The following PEBP1 variants were observed in gnomAD, a reference collection of about 807,000 sequenced individuals.
The protein encoded by PEBP1 is phosphatidylethanolamine-binding protein 1.
Under a neutral mutation model 22.7 loss-of-function variants are expected in PEBP1, and 17 were observed. The ratio of observed to expected loss-of-function variants is 0.75; its 90% confidence interval spans 0.51 to 1.12. PEBP1 has a LOEUF of 1.12. Among genes scored for constraint, PEBP1 ranks in the 50% most tolerant of loss-of-function variants. The pLI is 0.00. For missense variants in PEBP1, 205 were observed against 243.5 expected (o/e 0.84, Z 1.05); for synonymous variants, 106 against 104.3 (o/e 1.02, Z -0.10).
chr12:118,143,139 A>C (rs2034128175), intron 3 of PEBP1, among the ~76,000 whole-genome samples: 2 of 152,150 alleles, frequency 1.3e-5, no homozygotes, highest in African/African-American at 4.8e-5. Flanking sequence ...AATGTGAGCT[A>C]CCATGCCCGA....
chr12:118,136,280 C>T lies in PEBP1; in HGVS notation c.71C>T (p.Pro24Leu). Residue 24 changes from proline (P) to leucine (L), a missense_variant, in exon 1 of 4, where the codon CCG becomes CTG. Coordinates refer to ENST00000261313, the MANE Select transcript of PEBP1 (RefSeq NM_002567.4). This position sits in a 1 kb window ranked among gnomAD's most constrained non-coding sequence, Gnocchi z 5.6. ...GAAGTGGACGAGCAGCCGCAGCACC[C>T]GCTGCATGTCACCTACGCCGGGGCG... ...LQEVDEQPQHPLHVTYAGAAV... is the reference protein window; with the variant it reads ...LQEVDEQPQHLLHVTYAGAAV... 6.5e-7 allele frequency: 1 copy of T among 1,547,090 alleles called. No homozygotes were observed. Among genetic ancestry groups the T allele is most frequent in the Non-Finnish European group, 8.7e-7 (1 of 1,146,578 alleles).
Position 118,136,899 on chromosome 12 carries a change from CCTCCCA to C in PEBP1, c.135+557_135+562del, listed in dbSNP as rs1294103404. ...GCAACGGTTTAGTTTTGGTCTTTGA[CCTCCCA>C]CGCCCACGGCTGGGGCTGCCGAAAG... On this transcript the variant is annotated intron_variant, in intron 1 of 3. Transcript: ENST00000261313. This position sits in a 1 kb window ranked among gnomAD's most constrained non-coding sequence, Gnocchi z 5.6. Among the ~76,000 whole-genome samples the C allele has an allele frequency of 6.6e-6, 1 of 152,214 alleles. No individual in the cohort carries two copies. Among genetic ancestry groups the C allele is most frequent in the Non-Finnish European group, 1.5e-5 (1 of 68,036 alleles).
At position 118,136,314 on chromosome 12, in the gene PEBP1, C is replaced by T. The variant is rs1399935253; in HGVS notation, c.105C>T (p.Asp35=). The change falls in exon 1 of 4, where the codon GAC becomes GAT. Residue 35 remains aspartate, a synonymous_variant. Transcript: ENST00000261313. This position sits in a 1 kb window ranked among gnomAD's most constrained non-coding sequence, Gnocchi z 5.6. ...TCACCTACGCCGGGGCGGCGGTGGACGAGCTGGGCAAAGTGCTGACGCCCA... is the reference window on the plus strand; with the variant it reads ...TCACCTACGCCGGGGCGGCGGTGGATGAGCTGGGCAAAGTGCTGACGCCCA... ...LHVTYAGAAV[D]ELGKVLTPTQ... is the part of the protein sequence containing the mutation. The T allele has an allele frequency of 5.2e-6, 8 of 1,544,896 alleles. No homozygotes were observed. The South Asian group carries it at 6.0e-5, about 12-fold the overall frequency.
Position 118,140,922 on chromosome 12 carries a change from C to G in PEBP1, c.346+1371C>G, listed in dbSNP as rs77431630. 8.6e-3 allele frequency among the ~76,000 whole-genome samples: 1,303 copies of G among 152,250 alleles called. 12 individuals carry two copies. The highest frequency in any genetic ancestry group is 0.029 in the African/African-American group (1,200 of 41,540). ...TATTCTTGTAATATGGTATAATTTA[C>G]ATGGTAACAAAATCCACAGATCGGA... On this transcript the variant is annotated intron_variant, in intron 3 of 3. Coordinates refer to ENST00000261313, the MANE Select transcript of PEBP1 (RefSeq NM_002567.4).
chr12:118,144,785 G>A lies in PEBP1; in HGVS notation c.546G>A (p.Glu182=). ...EWDDYVPKLY[E]QLSGK is the part of the protein sequence containing the mutation. ...ATGACTATGTGCCCAAACTGTACGAGCAGCTGTCTGGGAAGTAGGGGGTTA... is the reference window on the plus strand; with the variant it reads ...ATGACTATGTGCCCAAACTGTACGAACAGCTGTCTGGGAAGTAGGGGGTTA... The change falls in exon 4 of 4, where the codon GAG becomes GAA. Residue 182 remains glutamate, a synonymous_variant. Transcript: ENST00000261313. 1 of 1,614,110 alleles carries A rather than the reference G, an allele frequency of 6.2e-7. No individual in the cohort carries two copies. Among genetic ancestry groups the A allele is most frequent in the South Asian group, 1.1e-5 (1 of 91,086 alleles).
At position 118,139,540 on chromosome 12, in the gene PEBP1, C is replaced by CCAAGGG; in HGVS notation, c.338_343dup (p.Lys113_Gly114dup). 2 of 1,611,082 alleles carry CCAAGGG rather than the reference C, an allele frequency of 1.2e-6. No individual in the cohort carries two copies. Among genetic ancestry groups the CCAAGGG allele is most frequent in the South Asian group, 2.2e-5 (2 of 90,868 alleles). ...TCCGATTATGTGGGCTCGGGGCCTC[C>CCAAGGG]CAAGGGCACAGGTTAGTAAAGGTTG... On this transcript the variant is annotated inframe_insertion, in exon 3 of 4. Coordinates refer to ENST00000261313, the MANE Select transcript of PEBP1 (RefSeq NM_002567.4).
rs772553820 is a variant in PEBP1, at chr12:118,144,899, C to T, written c.*96C>T. 2.5e-6 allele frequency: 4 copies of T among 1,586,430 alleles called. No homozygotes were observed. Among genetic ancestry groups the T allele is most frequent in the Non-Finnish European group, 2.6e-6 (3 of 1,172,346 alleles). ...TAATAGATTTCTCCTCTTCCTGCCC[C>T]CCTTGGCATGGGTGAGACCTGACCA... On this transcript the variant is annotated 3_prime_UTR_variant, in exon 4 of 4. Coordinates refer to ENST00000261313, the MANE Select transcript of PEBP1 (RefSeq NM_002567.4).
rs1015054493 is a variant in PEBP1 at position 118,136,649 on chromosome 12, C to G, written c.135+305C>G. On this transcript the variant is annotated intron_variant, in intron 1 of 3. Coordinates refer to ENST00000261313, the MANE Select transcript of PEBP1 (RefSeq NM_002567.4). The surrounding 1 kb of genome is among the most constrained non-coding windows in gnomAD (Gnocchi z 5.6). Reference sequence around the variant, plus strand: ...GAAACAGGCCGGATCCCCCTCTCCCCCCACAGGCCAGGGCGCTGGAGAGGG... The same window carrying G: ...GAAACAGGCCGGATCCCCCTCTCCCGCCACAGGCCAGGGCGCTGGAGAGGG... Among the ~76,000 whole-genome samples, 1 of 152,340 alleles carries G rather than the reference C, an allele frequency of 6.6e-6. No homozygotes were observed. The highest frequency in any genetic ancestry group is 6.5e-5 in the Admixed American group (1 of 15,308).
In PEBP1 at chr12:118,144,899, C is replaced by G. The variant is rs772553820; in HGVS notation, c.*96C>G. The stretch of plus-strand genomic sequence containing the variant: ...TAATAGATTTCTCCTCTTCCTGCCC[C>G]CCTTGGCATGGGTGAGACCTGACCA... On this transcript the variant is annotated 3_prime_UTR_variant, in exon 4 of 4. Transcript: ENST00000261313. 3.7e-5 allele frequency: 59 copies of G among 1,586,312 alleles called. No homozygotes were observed. In the African/African-American group the frequency reaches 5.8e-4, roughly 15 times the overall value.
rs879336537 is a variant in PEBP1, at chr12:118,136,729, T to C, written c.135+385T>C. 9.2e-5 allele frequency among the ~76,000 whole-genome samples: 14 copies of C among 152,212 alleles called. No homozygotes were observed. The highest frequency in any genetic ancestry group is 2.0e-4 in the Admixed American group (3 of 15,278). Reference sequence around the variant, plus strand: ...GCCCGGACGCCCCCAGAGCTTCCCCTAGGGCCTCAGCATTTTAGGCCTGGT... The same window carrying C: ...GCCCGGACGCCCCCAGAGCTTCCCCCAGGGCCTCAGCATTTTAGGCCTGGT... On this transcript the variant is annotated intron_variant, in intron 1 of 3. Transcript: ENST00000261313. The surrounding 1 kb of genome is among the most constrained non-coding windows in gnomAD (Gnocchi z 5.6).
At position 118,145,466 on chromosome 12, in the gene PEBP1, CTG is replaced by C; in HGVS notation, c.*667_*668del. The C allele has an allele frequency of 6.3e-6, 1 of 157,800 alleles. No homozygotes were observed. Among genetic ancestry groups the C allele is most frequent in the Non-Finnish European group, 1.4e-5 (1 of 71,526 alleles). 9.8% of individuals were successfully genotyped at this position (157,800 alleles called of 1,614,324 possible). A position where few individuals can be genotyped will look rare whatever the true frequency, so the allele number is the denominator to read the frequency against. On this transcript the variant is annotated 3_prime_UTR_variant, in exon 4 of 4. Coordinates refer to ENST00000261313, the MANE Select transcript of PEBP1 (RefSeq NM_002567.4). The stretch of plus-strand genomic sequence containing the variant: ...GACAGCTTGGGAGGAAACCTGAGAT[CTG>C]TGTTTTTTAAATTGATCGTTCTTCA...
At chr12:118,142,203 T>C (rs2138087177) in intron 3 of PEBP1, among the ~76,000 whole-genome samples, 1 of 150,456 alleles carries the variant, frequency 6.6e-6, no homozygotes, top group East Asian at 1.9e-4. Context: ...TAAATTTTTT[T>C]TTTTCTTGAG....
chr12:118,144,409 T>C (rs574972778), intron 3 of PEBP1, among the ~76,000 whole-genome samples, 177 bp from the exon 4 acceptor site: 149 of 152,286 alleles, frequency 9.8e-4, no homozygotes, highest in Non-Finnish European at 2.5e-4. Flanking sequence ...TTGCCATTAA[T>C]GTGTTAATTG....
chr12:118,136,323 C>T lies in PEBP1; in HGVS notation c.114C>T (p.Gly38=). The change falls in exon 1 of 4, where the codon GGC becomes GGT. Residue 38 remains glycine (G), a synonymous_variant. Transcript: ENST00000261313. The surrounding 1 kb of genome is among the most constrained non-coding windows in gnomAD (Gnocchi z 5.6). ...CCGGGGCGGCGGTGGACGAGCTGGG[C>T]AAAGTGCTGACGCCCACCCAGGTAC... ...TYAGAAVDEL[G]KVLTPTQVKN... 6.5e-7 allele frequency: 1 copy of T among 1,544,054 alleles called. No individual in the cohort carries two copies.
chr12:118,142,174 C>CT lies in PEBP1; in HGVS notation c.347-2393dup, dbSNP rs897008585. On this transcript the variant is annotated intron_variant, in intron 3 of 3. Coordinates refer to ENST00000261313, the MANE Select transcript of PEBP1 (RefSeq NM_002567.4). ...CAAAGTGGAGTGGCTGCCATGCATT[C>CT]TTTTTTTTTTTTTTTTTTTAAATTT... is the stretch of plus-strand genomic sequence containing the variant. 9.1e-3 allele frequency among the ~76,000 whole-genome samples: 1,145 copies of CT among 125,378 alleles called. 5 individuals carry two copies. Among genetic ancestry groups the CT allele is most frequent in the East Asian group, 0.015 (64 of 4,172 alleles). 82.3% of individuals were successfully genotyped at this position (125,378 alleles called of 152,430 possible). A position where few individuals can be genotyped will look rare whatever the true frequency, so the allele number is the denominator to read the frequency against.
chr12:118,142,155 G>A (rs1399144125), intron 3 of PEBP1, among the ~76,000 whole-genome samples: 1 of 151,162 alleles, frequency 6.6e-6, no homozygotes, highest in African/African-American at 2.4e-5. Flanking sequence ...GAAACAAAGT[G>A]GAGTGGCTGC....
Position 118,145,037 on chromosome 12 carries a change from G to A in PEBP1, c.*234G>A. The A allele has an allele frequency of 2.1e-6, 3 of 1,461,966 alleles. No individual in the cohort carries two copies. Among genetic ancestry groups the A allele is most frequent in the Admixed American group, 4.1e-5 (2 of 49,084 alleles). The allele number at this position is 1,461,966 out of a possible 1,614,324, so 90.6% of individuals were successfully genotyped here. A position where few individuals can be genotyped will look rare whatever the true frequency, so the allele number is the denominator to read the frequency against. ...GAACTTCATTTTGGGGGGTATTTTG[G>A]TACTGTGATGGGGTCATCAAATTAT... On this transcript the variant is annotated 3_prime_UTR_variant, in exon 4 of 4. Coordinates refer to ENST00000261313, the MANE Select transcript of PEBP1 (RefSeq NM_002567.4).
At position 118,145,342 on chromosome 12, in the gene PEBP1, ACT is replaced by A. The variant is rs2034147991; in HGVS notation, c.*542_*543del. The A allele has an allele frequency of 4.4e-6, 1 of 229,088 alleles. No individual in the cohort carries two copies. The highest frequency in any genetic ancestry group is 5.4e-5 in the South Asian group (1 of 18,438). 14.2% of individuals were successfully genotyped at this position (229,088 alleles called of 1,614,324 possible). Reference sequence around the variant, plus strand: ...ATGCCTCAGTAGGCATCAGTATGTCACTCTGGTCCCTTTAAAGAGCAATCCTG... The same window carrying A: ...ATGCCTCAGTAGGCATCAGTATGTCACTGGTCCCTTTAAAGAGCAATCCTG... On this transcript the variant is annotated 3_prime_UTR_variant, in exon 4 of 4. Transcript: ENST00000261313.
chr12:118,143,926 CT>C (rs1438525090), intron 3 of PEBP1, among the ~76,000 whole-genome samples: 2 of 148,886 alleles, frequency 1.3e-5, no homozygotes, highest in Non-Finnish European at 3.0e-5. Flanking sequence ...AAAAAACCCA[CT>C]TTTTAAAAAA....
Sources: allele counts gnomAD v4.1 joint callset (sites outside exome capture counted in the v4.1 genomes callset), GRCh38; gene constraint gnomAD v4.1.1; non-coding constraint Gnocchi (gnomAD v3.1); transcripts MANE v1.5; gene names NCBI Gene and HGNC (gene_info 2026-07-23, HGNC 2026-07-21).